Variants in PCGF5 observed in about 807,000 individuals in gnomAD.
PCGF5 encodes polycomb group RING finger protein 5.
In PCGF5, 9 loss-of-function variants were observed where a neutral mutation model predicts 44.3. The observed-to-expected ratio is 0.20, with a 90% CI of 0.12 to 0.35. The LOEUF is 0.35. Ranked by LOEUF, PCGF5 falls within the 10% of genes least tolerant of loss-of-function variation. PCGF5 has a pLI of 1.00. For synonymous variants in PCGF5, 95 were observed against 102.5 expected, an observed-to-expected ratio of 0.93 and a Z score of 0.44; for missense variants, 146 against 305.3, an observed-to-expected ratio of 0.48 and a Z score of 3.89.
upstream of PCGF5, among the ~76,000 whole-genome samples, chr10:91,219,021 A>G (rs1002643812): frequency 2.6e-5 from 4 of 152,014 alleles, no homozygotes; most frequent in Non-Finnish European, 4.4e-5. Flanking sequence ...GGTGGGAGAG[A>G]TGGAATGGTT....
chr10:91,228,368 G>A (rs1844905668), intron 2 of PCGF5, among the ~76,000 whole-genome samples: 1 of 151,980 alleles, frequency 6.6e-6, no homozygotes, highest in African/African-American at 2.4e-5. Context: ...TAAGAATCTA[G>A]TGATTCTTTC....
At chr10:91,244,306 G>A (rs1845404542) in intron 3 of PCGF5, among the ~76,000 whole-genome samples, 1 of 152,170 alleles carries the variant, frequency 6.6e-6, no homozygotes, top group Non-Finnish European at 1.5e-5. Flanking sequence ...AGGAAAGCAT[G>A]CCTATTCCAG....
intron 8 of PCGF5, among the ~76,000 whole-genome samples, chr10:91,268,222 C>G (rs577760923): frequency 1.1e-4 from 17 of 152,072 alleles, no homozygotes; most frequent in African/African-American, 3.9e-4. Flanking sequence ...CACATAACAC[C>G]CCTATCTAAA....
chr10:91,244,938 A>T (rs760084014), intron 3 of PCGF5, among the ~76,000 whole-genome samples: 1 of 152,104 alleles, frequency 6.6e-6, no homozygotes, highest in Non-Finnish European at 1.5e-5. Flanking sequence ...AGGTAAGTGG[A>T]TATATGTGTC....
At chr10:91,257,345 C>T (rs1276896743) in intron 6 of PCGF5, among the ~76,000 whole-genome samples, 3 of 151,984 alleles carry the variant, frequency 2.0e-5, no homozygotes, top group Non-Finnish European at 2.9e-5. Flanking sequence ...AAACCTTATA[C>T]GTTGCTAGTG....
chr10:91,184,465 G>A (rs1241777771), intron 1 of PCGF5, among the ~76,000 whole-genome samples: 1 of 152,106 alleles, frequency 6.6e-6, no homozygotes, highest in Non-Finnish European at 1.5e-5. Flanking sequence ...CAATGTTTTA[G>A]CGTGATTTTT....
At chr10:91,206,429 G>T (rs1844349170) in intron 1 of PCGF5, among the ~76,000 whole-genome samples, 1 of 151,998 alleles carries the variant, frequency 6.6e-6, no homozygotes, top group African/African-American at 2.4e-5. Context: ...CTTTGAATGA[G>T]GATTAAAAGA....
intron 9 of PCGF5, 112 bp from the exon 10 acceptor site, chr10:91,278,157 G>C: frequency 1.2e-6 from 1 of 845,716 alleles, no homozygotes. Context: ...GTAATCACTA[G>C]TACCAGGAAA....
At chr10:91,186,228 C>T (rs1043695299) in intron 1 of PCGF5, among the ~76,000 whole-genome samples, 1 of 152,166 alleles carries the variant, frequency 6.6e-6, no homozygotes, top group African/African-American at 2.4e-5. Flanking sequence ...TTTGATCTCA[C>T]CTGGATTTTG....
intron 1 of PCGF5, among the ~76,000 whole-genome samples, chr10:91,211,314 A>G (rs997235374): frequency 3.9e-5 from 6 of 152,192 alleles, no homozygotes; most frequent in African/African-American, 1.4e-4. Context: ...AATATTCTGG[A>G]AAGTTAGGTG....
chr10:91,240,349 T>G (rs1219796380), intron 2 of PCGF5, 135 bp from the exon 3 acceptor site: 1 of 560,820 alleles, frequency 1.8e-6, no homozygotes, highest in East Asian at 3.2e-5. Context: ...AATTGTAAGG[T>G]TTTTGAAGCT....
chr10:91,177,212 A>G (rs1843723011), intron 1 of PCGF5, among the ~76,000 whole-genome samples: 1 of 152,236 alleles, frequency 6.6e-6, no homozygotes, highest in African/African-American at 2.4e-5. Context: ...CAGAGGCTGC[A>G]GAACAGCGAA....
intron 2 of PCGF5, among the ~76,000 whole-genome samples, chr10:91,230,973 C>T (rs1844986827): frequency 6.6e-6 from 1 of 152,090 alleles, no homozygotes; most frequent in East Asian, 1.9e-4. Context: ...TGCTCTTGAA[C>T]TCCTGGACTC....
chr10:91,272,895 C>T (rs1275239077), intron 9 of PCGF5, among the ~76,000 whole-genome samples: 3 of 152,170 alleles, frequency 2.0e-5, no homozygotes, highest in African/African-American at 2.4e-5. Context: ...ACATAACAAA[C>T]TTAACTGGCA....
At chr10:91,196,140 A>G (rs576187518) in intron 1 of PCGF5, among the ~76,000 whole-genome samples, 1 of 152,170 alleles carries the variant, frequency 6.6e-6, no homozygotes, top group African/African-American at 2.4e-5. Context: ...GATATTTCAC[A>G]TGGTGGCAGA....
At chr10:91,239,678 G>A (rs1391990003) in intron 2 of PCGF5, among the ~76,000 whole-genome samples, 1 of 152,060 alleles carries the variant, frequency 6.6e-6, no homozygotes, top group Non-Finnish European at 1.5e-5. Flanking sequence ...CTAAGGTTTT[G>A]GGGCAAAACA....
intron 8 of PCGF5, among the ~76,000 whole-genome samples, chr10:91,269,575 C>G (rs1418373816): frequency 1.4e-4 from 21 of 151,994 alleles, no homozygotes; most frequent in Non-Finnish European, 2.9e-5. Context: ...GTTCCAGTAC[C>G]TACTACATAT....
intron 2 of PCGF5, among the ~76,000 whole-genome samples, chr10:91,228,392 A>G (rs1378400271): frequency 6.6e-6 from 1 of 152,148 alleles, no homozygotes; most frequent in African/African-American, 2.4e-5. Context: ...AGAAAAAAAA[A>G]GGATGTTTAT....
intron 1 of PCGF5, among the ~76,000 whole-genome samples, chr10:91,187,220 G>A (rs1251502486): frequency 6.6e-6 from 1 of 152,070 alleles, no homozygotes. Context: ...CTAGGATGGG[G>A]CCTCAGCATG....
Sources: allele counts gnomAD v4.1 joint callset (sites outside exome capture counted in the v4.1 genomes callset), GRCh38; gene constraint gnomAD v4.1.1; transcripts MANE v1.5; gene names NCBI Gene and HGNC (gene_info 2026-07-23, HGNC 2026-07-21).